The following ASB7 variants were observed in gnomAD, a reference collection of about 807,000 sequenced individuals.
The protein encoded by ASB7 is ankyrin repeat and SOCS box containing 7, also known as ankyrin repeat and SOCS box protein 7.
In ASB7, 4 loss-of-function variants were observed where a neutral mutation model predicts 32.5. The ratio of observed to expected loss-of-function variants is 0.12; its 90% CI spans 0.06 to 0.28. ASB7 has a LOEUF of 0.28. ASB7 is among the 10% of genes least tolerant of loss of function. The pLI is 1.00. For synonymous variants in ASB7, 172 were observed against 155.6 expected, an observed-to-expected ratio of 1.11 and a Z score of -0.78; for missense variants, 181 against 407.1, an observed-to-expected ratio of 0.44 and a Z score of 4.78.
chr15:100,643,134 A>G (rs981866328), intron 5 of ASB7, among the ~76,000 whole-genome samples: 2 of 152,128 alleles, frequency 1.3e-5, no homozygotes, highest in African/African-American at 4.8e-5. Flanking sequence ...GTTGTCTGTC[A>G]GTGACCTCAG....
At chr15:100,644,811 TC>T (rs1181771116) in intron 5 of ASB7, among the ~76,000 whole-genome samples, 1 of 135,460 alleles carries the variant, frequency 7.4e-6, no homozygotes. Context: ...GACATAATCT[TC>T]CCAAGAGGCA....
intron 5 of ASB7, among the ~76,000 whole-genome samples, chr15:100,642,652 C>A (rs909976820): frequency 1.3e-5 from 2 of 152,194 alleles, no homozygotes; most frequent in African/African-American, 4.8e-5. Context: ...ACTTTAGTGG[C>A]TTAAAACAAC....
chr15:100,603,417 A>ACCC (rs1185433058), intron 2 of ASB7, 104 bp downstream of exon 2: 2 of 118,004 alleles, frequency 1.7e-5, no homozygotes, highest in Non-Finnish European at 1.7e-5. Flanking sequence ...AACCTTTCCT[A>ACCC]CCCCCCCCAC....
intron 5 of ASB7, among the ~76,000 whole-genome samples, chr15:100,633,616 GGAAA>G (rs199748786): frequency 0.016 from 2,349 of 150,520 alleles, 61 homozygotes; most frequent in African/African-American, 0.051. Flanking sequence ...AAGGGGAAAG[GGAAA>G]GAAAGGAAGA....
chr15:100,651,180 C>T lies in ASB7; in HGVS notation c.*2718C>T, dbSNP rs934662499. 7.4e-5 allele frequency: 11 copies of T among 148,658 alleles called. No individual in the cohort carries two copies. Among genetic ancestry groups the T allele is most frequent in the African/African-American group, 2.0e-4 (8 of 40,286 alleles). 9.2% of individuals were successfully genotyped at this position (148,658 alleles called of 1,614,324 possible). A position where few individuals can be genotyped will look rare whatever the true frequency, so the allele number is the denominator to read the frequency against. ...TTAATGAACTGCAAACCTCATCTTT[C>T]GAAAACAAGGTTTTGTGTTTTTTTT... is the stretch of plus-strand genomic sequence containing the variant. On this transcript the variant is annotated 3_prime_UTR_variant, in exon 6 of 6. Coordinates refer to ENST00000332783, the MANE Select transcript of ASB7 (RefSeq NM_198243.3).
intron 4 of ASB7, among the ~76,000 whole-genome samples, chr15:100,628,035 T>C (rs1234963029): frequency 6.6e-6 from 1 of 152,198 alleles, no homozygotes; most frequent in African/African-American, 2.4e-5. Context: ...CTACTTAAAT[T>C]TAAGTCCTGT....
intron 2 of ASB7, among the ~76,000 whole-genome samples, chr15:100,604,268 C>T (rs1048722503): frequency 1.3e-5 from 2 of 152,142 alleles, no homozygotes; most frequent in Admixed American, 1.3e-4. Flanking sequence ...TCTGAAAATG[C>T]TCTGAAAGTA....
intron 5 of ASB7, among the ~76,000 whole-genome samples, chr15:100,631,575 A>G (rs2039883856): frequency 6.6e-6 from 1 of 152,168 alleles, no homozygotes; most frequent in African/African-American, 2.4e-5. Context: ...TTAGGAAGGC[A>G]TGTTATATAC....
intron 5 of ASB7, among the ~76,000 whole-genome samples, chr15:100,647,642 G>A (rs913993009): frequency 2.0e-5 from 3 of 152,278 alleles, no homozygotes; most frequent in East Asian, 1.9e-4. Context: ...AGCTTGAAGC[G>A]ATGTAGATTC....
chr15:100,628,703 T>C (rs968596793), intron 4 of ASB7, among the ~76,000 whole-genome samples: 1 of 152,186 alleles, frequency 6.6e-6, no homozygotes, highest in Non-Finnish European at 1.5e-5. Flanking sequence ...ATTATAGTTG[T>C]TTTTCCTTCC....
At chr15:100,627,642 G>T (rs528377874) in intron 4 of ASB7, among the ~76,000 whole-genome samples, 2 of 152,318 alleles carry the variant, frequency 1.3e-5, no homozygotes, top group South Asian at 4.1e-4. Context: ...AAAGATGCAA[G>T]TGCAGTGTTT....
intron 4 of ASB7, among the ~76,000 whole-genome samples, chr15:100,618,187 T>C (rs898751701): frequency 1.3e-5 from 2 of 152,074 alleles, no homozygotes; most frequent in Non-Finnish European, 2.9e-5. Context: ...CGTGATCTCA[T>C]CTCACTGCAA....
chr15:100,642,577 T>C (rs1292778204), intron 5 of ASB7, among the ~76,000 whole-genome samples: 2 of 145,966 alleles, frequency 1.4e-5, no homozygotes, highest in Non-Finnish European at 3.0e-5. Flanking sequence ...TCCCACTGCC[T>C]GGTACCAAGG....
rs558669882 is a variant in ASB7 at position 100,649,722 on chromosome 15, A to G, written c.*1260A>G. 3 of 152,370 alleles carry G rather than the reference A, an allele frequency of 2.0e-5. No individual in the cohort carries two copies. The highest frequency in any genetic ancestry group is 1.9e-4 in the East Asian group (1 of 5,190). The allele number at this position is 152,370 out of a possible 1,614,324, so 9.4% of individuals were successfully genotyped here. A position where few individuals can be genotyped will look rare whatever the true frequency, so the allele number is the denominator to read the frequency against. On this transcript the variant is annotated 3_prime_UTR_variant, in exon 6 of 6. Transcript: ENST00000332783. ...TGATAAAGTGTCAGTAACAATGGAA[A>G]AGGTCCCAGAGGCATTAGGCATCTA...
rs189335212 is a variant in ASB7 at position 100,608,602 on chromosome 15, G to A, written c.-173-1105G>A. On this transcript the variant is annotated intron_variant, in intron 2 of 5. Transcript: ENST00000332783. ...TCCTTGCTTTCTGGCACCGTGTGAT[G>A]TTCCAGTCTTAGAATCGGCCATTTG... Among the ~76,000 whole-genome samples, 54 of 152,240 alleles carry A rather than the reference G, an allele frequency of 3.5e-4. 1 individual carries two copies. Among genetic ancestry groups the A allele is most frequent in the African/African-American group, 1.3e-3 (52 of 41,538 alleles).
intron 5 of ASB7, among the ~76,000 whole-genome samples, chr15:100,633,963 G>C (rs894276088): frequency 1.3e-5 from 2 of 152,226 alleles, no homozygotes; most frequent in Non-Finnish European, 2.9e-5. Flanking sequence ...CCAGCCTCAG[G>C]TGAAGAGCAG....
At chr15:100,642,759 G>A (rs368409529) in intron 5 of ASB7, among the ~76,000 whole-genome samples, 10 of 152,350 alleles carry the variant, frequency 6.6e-5, no homozygotes, top group Admixed American at 4.6e-4. Flanking sequence ...TCTTGCGGCC[G>A]GGCGCGGTGG....
At chr15:100,646,291 G>T in intron 5 of ASB7, 1 of 390,284 alleles carries the variant, frequency 2.6e-6, no homozygotes. Flanking sequence ...CCAGATTCGA[G>T]AAGTCTCATC....
chr15:100,603,723 C>T (rs1243544457), intron 2 of ASB7, among the ~76,000 whole-genome samples: 1 of 152,162 alleles, frequency 6.6e-6, no homozygotes, highest in Non-Finnish European at 1.5e-5. Context: ...TGTTTTCCCC[C>T]TTACTCTTTC....
Sources: gnomAD v4.1 joint callset for allele counts (sites outside exome capture counted in the v4.1 genomes callset) on GRCh38, gnomAD v4.1.1 for gene constraint, MANE v1.5 for transcripts, NCBI Gene and HGNC (gene_info 2026-07-23, HGNC 2026-07-21) for gene names.